SNRK: variants seen among roughly 807,000 people sequenced by gnomAD.
SNRK encodes the protein SNF related kinase.
SNRK carries 3 observed loss-of-function variants against 48.2 expected under a neutral mutation model. The ratio of observed to expected loss-of-function variants is 0.06; its 90% CI spans 0.03 to 0.16. The LOEUF is 0.16. Ranked by LOEUF, SNRK falls within the 10% of genes least tolerant of loss-of-function variation. SNRK has a pLI of 1.00. For synonymous variants in SNRK, 376 were observed against 366.1 expected, an observed-to-expected ratio of 1.03 and a Z score of -0.31; for missense variants, 627 against 976.0, an observed-to-expected ratio of 0.64 and a Z score of 4.76.
intron 3 of SNRK, among the ~76,000 whole-genome samples, chr3:43,307,317 T>C (rs2090945272): frequency 2.0e-5 from 3 of 152,230 alleles, no homozygotes; most frequent in Admixed American, 2.0e-4. Flanking sequence ...TTGCTTTAGA[T>C]TTATCCCTTT....
intron 1 of SNRK, among the ~76,000 whole-genome samples, chr3:43,290,477 T>G (rs1049461010): frequency 5.9e-5 from 9 of 152,336 alleles, no homozygotes; most frequent in East Asian, 3.9e-4. Context: ...ATTCTGGATT[T>G]CTCCCTTTGC....
intron 3 of SNRK, among the ~76,000 whole-genome samples, chr3:43,304,739 G>C (rs1305076412): frequency 1.3e-5 from 2 of 152,026 alleles, no homozygotes; most frequent in Non-Finnish European, 2.9e-5. Context: ...TTGAAATGCA[G>C]GTTAAAGGAT....
At position 43,350,260 on chromosome 3, in the gene SNRK, C is replaced by T. The variant is rs1016348254; in HGVS notation, c.*1703C>T. The T allele has an allele frequency of 6.6e-6, 1 of 152,580 alleles. No homozygotes were observed. Among genetic ancestry groups the T allele is most frequent in the Non-Finnish European group, 1.5e-5 (1 of 68,036 alleles). The allele number at this position is 152,580 out of a possible 1,614,324, so 9.5% of individuals were successfully genotyped here. On this transcript the variant is annotated 3_prime_UTR_variant, in exon 7 of 7. Transcript: ENST00000296088. ...TGGGTGAAGCCATAGAACATATTTG[C>T]TTGAAATTCTTGAGCAGGGATCTTA...
intron 1 of SNRK, 52 bp downstream of exon 1, chr3:43,286,727 CG>C (rs35392864): frequency 8.1e-5 from 12 of 148,504 alleles, no homozygotes; most frequent in African/African-American, 2.4e-4. Context: ...GGCAGGGGTG[CG>C]GGGCCGGCCT....
intron 4 of SNRK, among the ~76,000 whole-genome samples, chr3:43,338,500 T>C (rs2091208045): frequency 6.6e-6 from 1 of 152,248 alleles, no homozygotes; most frequent in East Asian, 1.9e-4. Context: ...TCACTTAGGC[T>C]GCTTTAAGAT....
In SNRK at chr3:43,350,744, A is replaced by G. The variant is rs181074497; in HGVS notation, c.*2187A>G. 6.5e-6 allele frequency: 1 copy of G among 152,752 alleles called. No individual in the cohort carries two copies. The highest frequency in any genetic ancestry group is 2.4e-5 in the African/African-American group (1 of 41,562). The allele number at this position is 152,752 out of a possible 1,614,324, so 9.5% of individuals were successfully genotyped here. On this transcript the variant is annotated 3_prime_UTR_variant, in exon 7 of 7. Transcript: ENST00000296088. Reference sequence around the variant, plus strand: ...CATTAAGATAATATTGGACCAAACTACTTACTTGCTCTAAACAGTTACTTG... The same window carrying G: ...CATTAAGATAATATTGGACCAAACTGCTTACTTGCTCTAAACAGTTACTTG...
Position 43,347,380 on chromosome 3 carries a change from A to G in SNRK, c.1121A>G (p.Glu374Gly). The G allele has an allele frequency of 6.2e-7, 1 of 1,603,762 alleles. No individual in the cohort carries two copies. Among genetic ancestry groups the G allele is most frequent in the South Asian group, 1.1e-5 (1 of 89,430 alleles). Residue 374 changes from glutamate (E) to glycine (G), a missense_variant, in exon 7 of 7, where the codon GAG becomes GGG. Physicochemically the swap from Glu to Gly is moderately conservative, Grantham distance 98. Coordinates refer to ENST00000296088, the MANE Select transcript of SNRK (RefSeq NM_017719.5). The surrounding 1 kb of genome is among the most constrained non-coding windows in gnomAD (Gnocchi z 5.4). ...PTKIDVPQDL[E>G]DDLTATPLSH... ...AAAATTGATGTACCCCAGGACCTTGAGGATGACCTCACGGCCACTCCTTTG... is the reference window on the plus strand; with the variant it reads ...AAAATTGATGTACCCCAGGACCTTGGGGATGACCTCACGGCCACTCCTTTG...
intron 1 of SNRK, among the ~76,000 whole-genome samples, chr3:43,288,450 CATA>C (rs1445868159): frequency 6.6e-6 from 1 of 152,136 alleles, no homozygotes; most frequent in Non-Finnish European, 1.5e-5. Flanking sequence ...GATTTAATCA[CATA>C]ATCCTAAAAG....
chr3:43,330,750 A>G (rs1300235796), intron 3 of SNRK, among the ~76,000 whole-genome samples: 1 of 152,222 alleles, frequency 6.6e-6, no homozygotes, highest in African/African-American at 2.4e-5. Context: ...CAGATAATGC[A>G]TGCATTCAAA....
intron 3 of SNRK, among the ~76,000 whole-genome samples, chr3:43,308,636 G>GA (rs973211685): frequency 6.6e-6 from 1 of 152,056 alleles, no homozygotes; most frequent in African/African-American, 2.4e-5. Flanking sequence ...CTACTACTAA[G>GA]AAAAAAACAT....
In SNRK at chr3:43,348,035, G is replaced by A; in HGVS notation, c.1776G>A (p.Gly592=). Residue 592 remains glycine (G), a synonymous_variant, in exon 7 of 7, where the codon GGG becomes GGA. Transcript: ENST00000296088. ...GCAAGCCAAGCAATGCCAGTGGAGG[G>A]GTGGACAAGGCCAGCCCCAGTGAGA... ...GQSKPSNASG[G]VDKASPSENN... The A allele has an allele frequency of 6.2e-7, 1 of 1,609,270 alleles. No homozygotes were observed.
rs191868454 is a variant in SNRK, at chr3:43,314,193, T to C, written c.589+10401T>C. Among the ~76,000 whole-genome samples, 283 of 152,336 alleles carry C rather than the reference T, an allele frequency of 1.9e-3. 1 individual carries two copies. The highest frequency in any genetic ancestry group is 3.0e-3 in the Non-Finnish European group (201 of 68,024). ...GTATTTTAGAGCACTGATTCTTAAC[T>C]TTTTCTGATTCATAATGCCTTAAAA... On this transcript the variant is annotated intron_variant, in intron 3 of 6. Transcript: ENST00000296088.
chr3:43,331,740 C>T (rs749948389), intron 3 of SNRK, among the ~76,000 whole-genome samples: 3 of 152,138 alleles, frequency 2.0e-5, no homozygotes, highest in Non-Finnish European at 2.9e-5. Context: ...ACCTCACTAG[C>T]GTTGAGGTAA....
At position 43,307,766 on chromosome 3, in the gene SNRK, T is replaced by G. The variant is rs112309404; in HGVS notation, c.589+3974T>G. On this transcript the variant is annotated intron_variant, in intron 3 of 6. Transcript: ENST00000296088. ...ACAACAATATTGAAATTAGGCCAAT[T>G]AATTACAGTGGCCTCTAAGTGTTCA... 2.7e-3 allele frequency among the ~76,000 whole-genome samples: 412 copies of G among 152,314 alleles called. 1 individual carries two copies. The highest frequency in any genetic ancestry group is 3.8e-3 in the Non-Finnish European group (258 of 68,018).
chr3:43,309,492 A>T (rs1246005892), intron 3 of SNRK, among the ~76,000 whole-genome samples: 1 of 152,230 alleles, frequency 6.6e-6, no homozygotes, highest in Non-Finnish European at 1.5e-5. Flanking sequence ...AGCCACAGCC[A>T]TGCCAACCTT....
chr3:43,309,357 A>T (rs1487278444), intron 3 of SNRK, among the ~76,000 whole-genome samples: 1 of 152,206 alleles, frequency 6.6e-6, no homozygotes. Flanking sequence ...CAGTTTTGAA[A>T]GAGGTTCTAC....
chr3:43,314,716 A>T (rs1370802950), intron 3 of SNRK, among the ~76,000 whole-genome samples: 2 of 152,170 alleles, frequency 1.3e-5, no homozygotes, highest in African/African-American at 4.8e-5. Context: ...AGTAAGCCGT[A>T]AAACCTTTTG....
rs2091298118 is a variant in SNRK at position 43,348,566 on chromosome 3, C to G, written c.*9C>G. ...GTTGCCATGTCATCTGACTGTGGCC[C>G]CATCTGGCCGCTAGCACGCTTCCTG... On this transcript the variant is annotated 3_prime_UTR_variant, in exon 7 of 7. Transcript: ENST00000296088. The G allele has an allele frequency of 6.6e-7, 1 of 1,521,308 alleles. No individual in the cohort carries two copies. The highest frequency in any genetic ancestry group is 2.3e-5 in the Admixed American group (1 of 44,396). The allele number at this position is 1,521,308 out of a possible 1,614,324, so 94.2% of individuals were successfully genotyped here.
chr3:43,336,009 T>C (rs1271672990), intron 4 of SNRK, among the ~76,000 whole-genome samples: 2 of 152,348 alleles, frequency 1.3e-5, no homozygotes, highest in East Asian at 3.9e-4. Flanking sequence ...CTGATCATTT[T>C]TGTGTTTTAA....
Sources: allele counts gnomAD v4.1 joint callset (sites outside exome capture counted in the v4.1 genomes callset), GRCh38; gene constraint gnomAD v4.1.1; non-coding constraint Gnocchi (gnomAD v3.1); transcripts MANE v1.5; gene names NCBI Gene and HGNC (gene_info 2026-07-23, HGNC 2026-07-21).